Variants in DAB2IP observed in about 807,000 individuals in gnomAD.
DAB2IP encodes DAB2 interacting protein.
A neutral mutation model predicts 107.2 loss-of-function variants in DAB2IP; 28 were observed. The observed-to-expected ratio is 0.26, with a 90% CI of 0.19 to 0.36. The LOEUF is 0.36. Among genes scored for constraint, DAB2IP ranks in the 10% least tolerant of loss-of-function variants. DAB2IP has a pLI of 1.00. For missense variants in DAB2IP, 1,400 were observed against 1,644.7 expected (o/e 0.85, Z 2.57); for synonymous variants, 755 against 706.4 (o/e 1.07, Z -1.09).
intron 11 of DAB2IP, among the ~76,000 whole-genome samples, chr9:121,771,351 C>T (rs929678844): frequency 2.0e-5 from 3 of 152,182 alleles, no homozygotes; most frequent in African/African-American, 7.2e-5. Context: ...CCCCTACTCT[C>T]CCCTCTCCCG....
At chr9:121,730,648 A>C (rs1463928439) in intron 3 of DAB2IP, among the ~76,000 whole-genome samples, 1 of 152,226 alleles carries the variant, frequency 6.6e-6, no homozygotes, top group Non-Finnish European at 1.5e-5. Flanking sequence ...GTGCATCTGC[A>C]GCAGAGTTTC....
rs80008292 is a variant in DAB2IP, at chr9:121,763,583, C to T, written c.1249C>T (p.Leu417=). ...GCACCTCATCTTCCGGGAGAACACA[C>T]TGGCCACCAAGGCCATTGAGGAGTA... The change falls in exon 7 of 16, where the codon CTG becomes TTG. Residue 417 remains leucine, a synonymous_variant. Transcript: ENST00000408936. 1.4e-3 allele frequency: 2,327 copies of T among 1,613,954 alleles called. 50 individuals carry two copies. The East Asian group carries it at 0.041, about 28-fold the overall frequency.
chr9:121,748,401 C>G (rs1832865582), intron 3 of DAB2IP, among the ~76,000 whole-genome samples: 1 of 152,174 alleles, frequency 6.6e-6, no homozygotes, highest in Non-Finnish European at 1.5e-5. Flanking sequence ...CCGTTAGAAC[C>G]CCAGCTTTCA....
At chr9:121,639,700 C>A (rs1173963598) in intron 1 of DAB2IP, among the ~76,000 whole-genome samples, 1 of 152,158 alleles carries the variant, frequency 6.6e-6, no homozygotes, top group African/African-American at 2.4e-5. Flanking sequence ...CCCCTCCCTG[C>A]CTGCAGCACA....
At chr9:121,746,597 G>T (rs911304300) in intron 3 of DAB2IP, among the ~76,000 whole-genome samples, 10 of 152,140 alleles carry the variant, frequency 6.6e-5, no homozygotes, top group African/African-American at 2.4e-4. Flanking sequence ...ACGTGGCATG[G>T]CGCCCAGGTC....
At position 121,707,336 on chromosome 9, in the gene DAB2IP, G is replaced by A. The variant is rs556740270; in HGVS notation, c.362+7878G>A. On this transcript the variant is annotated intron_variant, in intron 3 of 15. Coordinates refer to ENST00000408936, the Ensembl canonical transcript of DAB2IP. The stretch of plus-strand genomic sequence containing the variant: ...TTTTTGCCACCTCCACCCTTCTGCC[G>A]CCCCCCTCAGTTTTCCCATCTCTCA... Among the ~76,000 whole-genome samples, 63 of 152,230 alleles carry A rather than the reference G, an allele frequency of 4.1e-4. No homozygotes were observed. In the South Asian group the frequency reaches 0.011, roughly 27 times the overall value.
intron 10 of DAB2IP, among the ~76,000 whole-genome samples, chr9:121,768,979 C>G (rs186886544): frequency 1.3e-3 from 202 of 152,258 alleles, no homozygotes; most frequent in Middle Eastern, 3.4e-3. Flanking sequence ...GACTCAAGAC[C>G]CTGTACCTCC....
chr9:121,763,411 A>G, intron 6 of DAB2IP, 94 bp from the exon 7 acceptor site: 2 of 1,496,736 alleles, frequency 1.3e-6, no homozygotes, highest in South Asian at 2.7e-5. Flanking sequence ...AACAGCCTCA[A>G]AATGCCAGGA....
At chr9:121,637,028 T>C (rs976131004) in intron 1 of DAB2IP, among the ~76,000 whole-genome samples, 2 of 152,178 alleles carry the variant, frequency 1.3e-5, no homozygotes, top group Non-Finnish European at 2.9e-5. Flanking sequence ...CTGGACACTT[T>C]GTTTTGTAAT....
rs116415450 is a variant in DAB2IP at position 121,769,975 on chromosome 9, G to A, written c.1900-571G>A. 5.3e-3 allele frequency among the ~76,000 whole-genome samples: 813 copies of A among 152,330 alleles called. 8 individuals carry two copies. The highest frequency in any genetic ancestry group is 0.019 in the African/African-American group (775 of 41,562). On this transcript the variant is annotated intron_variant, in intron 10 of 15. Transcript: ENST00000408936. ...TGTGGAAGCTTGTGCATAAACAGGT[G>A]AAGGCAGTGTCCCCAAAGCCTAGAA... is the stretch of plus-strand genomic sequence containing the variant.
Position 121,706,945 on chromosome 9 carries a change from TTC to T in DAB2IP, c.362+7488_362+7489del, listed in dbSNP as rs775731649. Among the ~76,000 whole-genome samples, 57 of 152,262 alleles carry T rather than the reference TTC, an allele frequency of 3.7e-4. 1 individual carries two copies. Among genetic ancestry groups the T allele is most frequent in the Admixed American group, 2.0e-3 (31 of 15,304 alleles). The stretch of plus-strand genomic sequence containing the variant: ...CAGGGTCCATCCCCACCCACAAAGG[TTC>T]CTGGCACCCTGCCTGAGAATTGGGG... On this transcript the variant is annotated intron_variant, in intron 3 of 15. Coordinates refer to ENST00000408936, the Ensembl canonical transcript of DAB2IP.
chr9:121,591,551 A>C (rs1365795778), intron 1 of DAB2IP, among the ~76,000 whole-genome samples: 1 of 146,734 alleles, frequency 6.8e-6, no homozygotes, highest in Non-Finnish European at 1.5e-5. Context: ...TGATGGCAAC[A>C]AGAAACCATT....
chr9:121,735,132 A>T (rs762271474), intron 3 of DAB2IP, among the ~76,000 whole-genome samples: 6 of 152,228 alleles, frequency 3.9e-5, no homozygotes, highest in Non-Finnish European at 5.9e-5. Context: ...CTCAGAAGGA[A>T]GGGGACAGGA....
In DAB2IP at chr9:121,772,706, C is replaced by A; in HGVS notation, c.2178C>A (p.Ser726Arg). 1 of 1,614,044 alleles carries A rather than the reference C, an allele frequency of 6.2e-7. No homozygotes were observed. The highest frequency in any genetic ancestry group is 8.5e-7 in the Non-Finnish European group (1 of 1,180,030). ...GGGTCCAGCCCTCACCTGCCCGCAG[C>A]TCGAGTTACTCGGAAGCCAACGAGC... The change falls in exon 12 of 16, where the codon AGC becomes AGA. Residue 726 changes from serine to arginine, a missense_variant. Ser to Arg is a moderately radical substitution (Grantham distance 110). Coordinates refer to ENST00000408936, the Ensembl canonical transcript of DAB2IP. The surrounding 1 kb of genome is among the most constrained non-coding windows in gnomAD (Gnocchi z 4.7).
At chr9:121,591,667 G>A (rs1479186532) in intron 1 of DAB2IP, among the ~76,000 whole-genome samples, 4 of 152,218 alleles carry the variant, frequency 2.6e-5, no homozygotes, top group Non-Finnish European at 4.4e-5. Flanking sequence ...CCAGGTGGAT[G>A]CATGGAACAA....
chr9:121,678,709 C>T, exon 2 of DAB2IP: 2 of 1,592,366 alleles, frequency 1.3e-6, no homozygotes, highest in Non-Finnish European at 1.7e-6. Context: ...GCTCTCGGCG[C>T]AGCCTGCCTG....
intron 3 of DAB2IP, among the ~76,000 whole-genome samples, chr9:121,713,984 C>A (rs189007533): frequency 6.6e-6 from 1 of 152,316 alleles, no homozygotes; most frequent in East Asian, 1.9e-4. Context: ...TCTGTCTCCT[C>A]ATTTTTAAAT....
intron 1 of DAB2IP, among the ~76,000 whole-genome samples, chr9:121,591,502 A>G (rs1412318180): frequency 3.3e-5 from 5 of 152,142 alleles, no homozygotes; most frequent in Non-Finnish European, 1.5e-5. Flanking sequence ...GGCTGGGGAG[A>G]TGGGTAGGAC....
intron 1 of DAB2IP, among the ~76,000 whole-genome samples, chr9:121,626,953 C>T (rs922758353): frequency 6.6e-6 from 1 of 151,556 alleles, no homozygotes; most frequent in Non-Finnish European, 1.5e-5. Flanking sequence ...AGTACGAGAT[C>T]CCATCTACTC....
Sources: gnomAD v4.1 joint callset for allele counts (sites outside exome capture counted in the v4.1 genomes callset) on GRCh38, gnomAD v4.1.1 for gene constraint, Gnocchi (gnomAD v3.1) non-coding constraint, MANE v1.5 for transcripts, NCBI Gene and HGNC (gene_info 2026-07-23, HGNC 2026-07-21) for gene names.